Variants in PCDH15 observed in about 807,000 individuals in gnomAD.
PCDH15 encodes the protein protocadherin related 15, also known as protocadherin-15.
A neutral mutation model predicts 178.5 loss-of-function variants in PCDH15; 129 were observed. That is an observed-to-expected ratio of 0.72 (90% confidence interval 0.63 to 0.84). The LOEUF is 0.84. Ranked by LOEUF, PCDH15 falls within the 40% of genes least tolerant of loss-of-function variation. PCDH15 has a pLI of 0.00. For synonymous variants in PCDH15, 800 were observed against 732.0 expected (o/e 1.09, Z -1.50); for missense variants, 2,230 against 2,099.9 (o/e 1.06, Z -1.21).
At chr10:53,890,400 C>T (rs1417504457) in intron 26 of PCDH15, among the ~76,000 whole-genome samples, 4 of 152,102 alleles carry the variant, frequency 2.6e-5, no homozygotes, top group Non-Finnish European at 2.9e-5. Flanking sequence ...CATGTCCAGC[C>T]TGGGCGACAG....
At chr10:55,606,368 C>G (rs1486521944) in intron 2 of PCDH15, among the ~76,000 whole-genome samples, 1 of 142,614 alleles carries the variant, frequency 7.0e-6, no homozygotes, top group African/African-American at 2.7e-5. Flanking sequence ...GCTACCAATG[C>G]CTTTCTTCAC....
At chr10:54,954,867 T>C (rs971919610) in intron 2 of PCDH15, among the ~76,000 whole-genome samples, 1 of 151,230 alleles carries the variant, frequency 6.6e-6, no homozygotes, top group Non-Finnish European at 1.5e-5. Context: ...TAGAACAAAA[T>C]AGATAATTAC....
intron 20 of PCDH15, among the ~76,000 whole-genome samples, chr10:54,016,566 T>C (rs981683299): frequency 8.5e-5 from 13 of 152,128 alleles, no homozygotes; most frequent in Admixed American, 7.2e-4. Flanking sequence ...AAGAATGAGA[T>C]CATGTCCTTT....
Position 54,329,138 on chromosome 10 carries a change from C to T in PCDH15, c.705+458G>A, listed in dbSNP as rs112238975. On this transcript the variant is annotated intron_variant, in intron 7 of 37. Transcript: ENST00000644397. Reference sequence around the variant, plus strand: ...TAAATGATAGCCATGAGGAAGAACACGACCAATTAGGCAATGATTCTTTGC... The same window carrying T: ...TAAATGATAGCCATGAGGAAGAACATGACCAATTAGGCAATGATTCTTTGC... Among the ~76,000 whole-genome samples the T allele has an allele frequency of 6.9e-3, 1,006 of 146,340 alleles. 8 individuals are homozygous for T. The highest frequency in any genetic ancestry group is 0.024 in the African/African-American group (951 of 38,832).
At chr10:54,134,831 A>T (rs1416683423) in intron 14 of PCDH15, among the ~76,000 whole-genome samples, 1 of 151,910 alleles carries the variant, frequency 6.6e-6, no homozygotes, top group Non-Finnish European at 1.5e-5. Context: ...TTTATAATAT[A>T]CCTAAATTCA....
chr10:55,233,158 C>T (rs1841275188), intron 1 of PCDH15, among the ~76,000 whole-genome samples: 1 of 151,952 alleles, frequency 6.6e-6, no homozygotes, highest in Admixed American at 6.5e-5. Flanking sequence ...TCTATATTAA[C>T]TAAAAATTGT....
At position 54,381,217 on chromosome 10, in the gene PCDH15, G is replaced by T. The variant is rs150073104; in HGVS notation, c.158-2275C>A. Among the ~76,000 whole-genome samples, 7 of 152,122 alleles carry T rather than the reference G, an allele frequency of 4.6e-5. No homozygotes were observed. In the East Asian group the frequency reaches 9.7e-4, roughly 21 times the overall value. On this transcript the variant is annotated intron_variant, in intron 3 of 37. Coordinates refer to ENST00000644397, the MANE Select transcript of PCDH15 (RefSeq NM_001384140.1). ...TTAACCTAAGTGTTCACTCTGAATT[G>T]CCTGAACAACTGTGCCCATACCCCT...
intron 28 of PCDH15, among the ~76,000 whole-genome samples, chr10:53,849,563 T>C (rs1295616704): frequency 6.6e-6 from 1 of 152,050 alleles, no homozygotes; most frequent in Admixed American, 6.6e-5. Flanking sequence ...ACTTTGCTTA[T>C]AGAAAAATAT....
chr10:54,253,074 A>C lies in PCDH15; in HGVS notation c.877-16143T>G, dbSNP rs61858796. 9.0e-3 allele frequency among the ~76,000 whole-genome samples: 1,368 copies of C among 152,200 alleles called. 13 individuals carry two copies. Among genetic ancestry groups the C allele is most frequent in the Middle Eastern group, 0.02 (6 of 294 alleles). On this transcript the variant is annotated intron_variant, in intron 8 of 37. Transcript: ENST00000644397. ...AAGCTGGGAGATAGGAAAATCCAAAAGAAGAGATACATTTTGGGGAAAACA... is the reference window on the plus strand; with the variant it reads ...AAGCTGGGAGATAGGAAAATCCAAACGAAGAGATACATTTTGGGGAAAACA...
At chr10:54,375,972 G>T (rs1361530272) in intron 4 of PCDH15, among the ~76,000 whole-genome samples, 3 of 151,166 alleles carry the variant, frequency 2.0e-5, no homozygotes, top group Non-Finnish European at 4.4e-5. Flanking sequence ...TTGGTTCACT[G>T]CAACCTCCGC....
At chr10:55,069,566 T>C (rs1841669922) in intron 2 of PCDH15, among the ~76,000 whole-genome samples, 2 of 143,852 alleles carry the variant, frequency 1.4e-5, no homozygotes, top group African/African-American at 5.2e-5. Context: ...CTGAGAATGA[T>C]GATTTCCAGT....
At chr10:53,879,429 T>C (rs2080528034) in intron 26 of PCDH15, among the ~76,000 whole-genome samples, 2 of 152,086 alleles carry the variant, frequency 1.3e-5, no homozygotes, top group African/African-American at 4.8e-5. Flanking sequence ...AGTAGCTGAA[T>C]TTGGTTTGGA....
At chr10:55,491,386 G>A (rs1162015351) in intron 2 of PCDH15, among the ~76,000 whole-genome samples, 1 of 151,680 alleles carries the variant, frequency 6.6e-6, no homozygotes, top group Non-Finnish European at 1.5e-5. Context: ...TTCTACATCA[G>A]TCACAGCATG....
intron 1 of PCDH15, among the ~76,000 whole-genome samples, chr10:54,732,572 T>G (rs1261436000): frequency 6.6e-6 from 1 of 151,488 alleles, no homozygotes; most frequent in Non-Finnish European, 1.5e-5. Context: ...AAGAAAAATT[T>G]TGTCTGGATG....
intron 3 of PCDH15, among the ~76,000 whole-genome samples, chr10:54,482,068 G>GT (rs1438242973): frequency 6.6e-6 from 1 of 151,820 alleles, no homozygotes; most frequent in East Asian, 1.9e-4. Flanking sequence ...AGGAAAAACA[G>GT]TTTTCATAGC....
chr10:55,531,963 A>G (rs1232018526), intron 2 of PCDH15, among the ~76,000 whole-genome samples: 1 of 152,064 alleles, frequency 6.6e-6, no homozygotes, highest in Non-Finnish European at 1.5e-5. Flanking sequence ...GAGACTTTCA[A>G]TGAATACGAA....
intron 2 of PCDH15, among the ~76,000 whole-genome samples, chr10:55,024,500 G>T (rs1175815577): frequency 6.7e-6 from 1 of 150,370 alleles, no homozygotes; most frequent in Non-Finnish European, 1.5e-5. Context: ...ATCTTTTTCT[G>T]ATTCAGATGT....
At chr10:54,855,935 T>C (rs1194794472) in intron 3 of PCDH15, among the ~76,000 whole-genome samples, 1 of 152,184 alleles carries the variant, frequency 6.6e-6, no homozygotes, top group Admixed American at 6.5e-5. Flanking sequence ...AATGGCAATT[T>C]ATAGGGAAAA....
chr10:54,673,384 C>T (rs182571748), intron 1 of PCDH15, among the ~76,000 whole-genome samples: 82 of 152,126 alleles, frequency 5.4e-4, no homozygotes, highest in Non-Finnish European at 6.8e-4. Context: ...TTCATCCAAG[C>T]ATGTCATTTT....
Sources: gnomAD v4.1 joint callset for allele counts (sites outside exome capture counted in the v4.1 genomes callset) on GRCh38, gnomAD v4.1.1 for gene constraint, MANE v1.5 for transcripts, NCBI Gene and HGNC (gene_info 2026-07-23, HGNC 2026-07-21) for gene names.